CDC45: variants seen among roughly 807,000 people sequenced by gnomAD.
CDC45 encodes cell division cycle 45.
A neutral mutation model predicts 77.8 loss-of-function variants in CDC45; 54 were observed. The observed-to-expected ratio is 0.69, with a 90% CI of 0.56 to 0.87. The LOEUF (loss-of-function observed/expected upper bound fraction) is 0.87. CDC45 is among the 40% of genes least tolerant of loss of function. CDC45 has a pLI of 0.00. For missense variants in CDC45, 649 were observed against 721.6 expected (o/e 0.90, Z 1.15); for synonymous variants, 260 against 272.1 (o/e 0.96, Z 0.44).
At chr22:19,489,812 G>T (rs948545057) in intron 5 of CDC45, among the ~76,000 whole-genome samples, 6 of 152,310 alleles carry the variant, frequency 3.9e-5, no homozygotes, top group Non-Finnish European at 8.8e-5. Flanking sequence ...GTTGGTGGTG[G>T]TGTTGAGTTC....
intron 15 of CDC45, among the ~76,000 whole-genome samples, chr22:19,516,064 G>A (rs13447279): frequency 0.035 from 5,308 of 152,220 alleles, 127 homozygotes; most frequent in African/African-American, 0.063. Flanking sequence ...CCGGCGGGGG[G>A]GACGAGGAGT....
chr22:19,496,916 AC>A (rs2090252771), intron 7 of CDC45, among the ~76,000 whole-genome samples: 1 of 152,004 alleles, frequency 6.6e-6, no homozygotes, highest in African/African-American at 2.4e-5. Context: ...AAATAATTGG[AC>A]CCAGGGCTCT....
At chr22:19,515,168 G>T (rs1933715545) in intron 15 of CDC45, 120 bp downstream of exon 15, 1 of 815,980 alleles carries the variant, frequency 1.2e-6, no homozygotes. Context: ...CAAGGTCTAG[G>T]CACATCCATT....
intron 13 of CDC45, among the ~76,000 whole-genome samples, chr22:19,509,012 G>A (rs1321745077): frequency 6.6e-6 from 1 of 151,874 alleles, no homozygotes; most frequent in East Asian, 1.9e-4. Flanking sequence ...TAATCTTATA[G>A]TTGTCATTTC....
intron 6 of CDC45, among the ~76,000 whole-genome samples, chr22:19,495,692 C>T (rs1277976335): frequency 6.6e-6 from 1 of 152,140 alleles, no homozygotes; most frequent in African/African-American, 2.4e-5. Context: ...TGTAGTGGCA[C>T]ATGCCTGTAG....
intron 9 of CDC45, among the ~76,000 whole-genome samples, chr22:19,500,568 C>T (rs897077764): frequency 1.4e-4 from 22 of 152,236 alleles, no homozygotes; most frequent in South Asian, 1.2e-3. Context: ...TTGGGTCCCA[C>T]ATACTGATGG....
intron 10 of CDC45, among the ~76,000 whole-genome samples, chr22:19,506,769 C>A (rs916350204): frequency 6.6e-6 from 1 of 151,930 alleles, no homozygotes; most frequent in Non-Finnish European, 1.5e-5. Context: ...CTCGTTTCTA[C>A]GAAAAATACA....
chr22:19,488,922 C>A (rs567157149), intron 5 of CDC45, among the ~76,000 whole-genome samples: 1 of 152,202 alleles, frequency 6.6e-6, no homozygotes, highest in South Asian at 2.1e-4. Context: ...AGTATAATAT[C>A]ACGGTCAGGA....
chr22:19,514,876 T>C lies in CDC45; in HGVS notation c.1345T>C (p.Ser449Pro), dbSNP rs370015066. Residue 449 changes from serine (S) to proline (P), a missense_variant, in exon 14 of 19, where the codon TCT becomes CCT. Physicochemically the swap from Ser to Pro is moderately conservative, Grantham distance 74. Coordinates refer to ENST00000263201, the MANE Select transcript of CDC45 (RefSeq NM_003504.5). ...CTCCCAGGGGCCTTTCCTGTACTGC[T>C]CTCTCATGGAGGTCAGGCTTCCCAC... ...VISQGPFLYC[S>P]LMEGTPDVML... 1 of 1,614,072 alleles carries C rather than the reference T, an allele frequency of 6.2e-7. No individual in the cohort carries two copies. The highest frequency in any genetic ancestry group is 1.3e-5 in the African/African-American group (1 of 74,904).
Position 19,497,370 on chromosome 22 carries a change from C to G in CDC45, c.592-16C>G. The G allele has an allele frequency of 6.2e-7, 1 of 1,613,748 alleles. No individual in the cohort carries two copies. Among genetic ancestry groups the G allele is most frequent in the Non-Finnish European group, 8.5e-7 (1 of 1,179,702 alleles). On this transcript the variant is annotated splice_polypyrimidine_tract_variant and intron_variant, in intron 7 of 18. Coordinates refer to ENST00000263201, the MANE Select transcript of CDC45 (RefSeq NM_003504.5). ...TGCCCCTCCCATGAGCCTTAGACTT[C>G]TCTGCTTCCTTACAGTCAGCCATGG... is the stretch of plus-strand genomic sequence containing the variant.
chr22:19,483,923 G>A lies in CDC45; in HGVS notation c.404G>A (p.Arg135Lys). The A allele has an allele frequency of 6.2e-7, 1 of 1,612,452 alleles. No individual in the cohort carries two copies. Among genetic ancestry groups the A allele is most frequent in the South Asian group, 1.1e-5 (1 of 90,962 alleles). Residue 135 changes from arginine to lysine, a missense_variant, in exon 5 of 19, where the codon AGG becomes AAG. Physicochemically the swap from Arg to Lys is conservative, Grantham distance 26. Transcript: ENST00000263201. The part of the protein sequence containing the change: ...LEVPAYEDIF[R>K]DEEEDEEHSG... ...GTTCCCGCCTATGAAGACATCTTCA[G>A]GGATGAAGAGGAGGATGAAGAGCAT...
At chr22:19,485,246 C>T (rs2090047807) in intron 5 of CDC45, among the ~76,000 whole-genome samples, 1 of 152,204 alleles carries the variant, frequency 6.6e-6, no homozygotes, top group African/African-American at 2.4e-5. Flanking sequence ...TGGAATTTTC[C>T]ACTCTGACTA....
At chr22:19,513,672 T>G (rs1933632194) in intron 13 of CDC45, among the ~76,000 whole-genome samples, 1 of 152,238 alleles carries the variant, frequency 6.6e-6, no homozygotes, top group Admixed American at 6.5e-5. Flanking sequence ...TTGTTTCATT[T>G]ACTCCCTCAT....
intron 7 of CDC45, among the ~76,000 whole-genome samples, chr22:19,496,276 G>C (rs768105134): frequency 9.2e-5 from 14 of 152,164 alleles, no homozygotes; most frequent in Non-Finnish European, 1.5e-4. Flanking sequence ...CACCCAATAG[G>C]TGATCAAAGA....
At chr22:19,500,566 C>T (rs941209497) in intron 9 of CDC45, among the ~76,000 whole-genome samples, 22 of 152,238 alleles carry the variant, frequency 1.4e-4, no homozygotes, top group South Asian at 1.2e-3. Flanking sequence ...CTTTGGGTCC[C>T]ACATACTGAT....
At position 19,515,060 on chromosome 22, in the gene CDC45, G is replaced by C. The variant is rs1322911993; in HGVS notation, c.1440+12G>C. On this transcript the variant is annotated intron_variant, in intron 15 of 18. Coordinates refer to ENST00000263201, the MANE Select transcript of CDC45 (RefSeq NM_003504.5). ...CCTTTGTGTGTTCGGTGAGGGGCCAGGCGGGTGCTGTGGGTACAGGAGGGC... is the reference window on the plus strand; with the variant it reads ...CCTTTGTGTGTTCGGTGAGGGGCCACGCGGGTGCTGTGGGTACAGGAGGGC... The C allele has an allele frequency of 6.3e-7, 1 of 1,588,210 alleles. No homozygotes were observed. The highest frequency in any genetic ancestry group is 2.2e-5 in the East Asian group (1 of 44,630).
chr22:19,511,510 AG>A (rs1318501162), intron 13 of CDC45, among the ~76,000 whole-genome samples: 16 of 151,948 alleles, frequency 1.1e-4, no homozygotes, highest in African/African-American at 3.9e-4. Flanking sequence ...TTAAATTTTT[AG>A]TAGAGATGAG....
chr22:19,491,787 C>A (rs776813891), intron 5 of CDC45, among the ~76,000 whole-genome samples: 1 of 151,824 alleles, frequency 6.6e-6, no homozygotes, highest in South Asian at 2.1e-4. Flanking sequence ...CTCACTGTAA[C>A]CTCCACCTCC....
intron 9 of CDC45, among the ~76,000 whole-genome samples, chr22:19,501,997 G>A (rs1220088556): frequency 6.6e-6 from 1 of 152,166 alleles, no homozygotes; most frequent in Non-Finnish European, 1.5e-5. Flanking sequence ...GATTACAGAT[G>A]TGAGTTGCCA....
Sources: allele counts gnomAD v4.1 joint callset (sites outside exome capture counted in the v4.1 genomes callset), GRCh38; gene constraint gnomAD v4.1.1; transcripts MANE v1.5; gene names NCBI Gene and HGNC (gene_info 2026-07-23, HGNC 2026-07-21).